The following UNC13C variants were observed in gnomAD, a reference collection of about 807,000 sequenced individuals.
UNC13C encodes the protein unc-13 homolog C.
In UNC13C, 174 loss-of-function variants were observed where a neutral mutation model predicts 245.4. That is an observed-to-expected ratio of 0.71 (90% CI 0.63 to 0.80). UNC13C has a LOEUF of 0.80. Ranked by LOEUF, UNC13C falls within the 30% of genes least tolerant of loss-of-function variation. The pLI, the probability that UNC13C is intolerant of heterozygous loss-of-function variation, is 0.00. For missense variants in UNC13C, 2,829 were observed against 2,602.9 expected (o/e 1.09, Z -1.89); for synonymous variants, 992 against 895.1 (o/e 1.11, Z -1.93).
rs771602663 is a variant in UNC13C, at chr15:54,393,199, G to A, written c.4847+18G>A. 3 of 1,504,584 alleles carry A rather than the reference G, an allele frequency of 2.0e-6. No homozygotes were observed. Among genetic ancestry groups the A allele is most frequent in the Admixed American group, 2.3e-5 (1 of 43,628 alleles). The allele number at this position is 1,504,584 out of a possible 1,614,324, so 93.2% of individuals were successfully genotyped here. A position where few individuals can be genotyped will look rare whatever the true frequency, so the allele number is the denominator to read the frequency against. On this transcript the variant is annotated intron_variant, in intron 18 of 32. Transcript: ENST00000260323. The stretch of plus-strand genomic sequence containing the variant: ...CTGAATCAGTAAGTACAATGTTTTG[G>A]AAATGAATGGATTTTATTCCACTAA...
intron 16 of UNC13C, among the ~76,000 whole-genome samples, chr15:54,334,855 G>T (rs2038531993): frequency 6.6e-6 from 1 of 152,102 alleles, no homozygotes; most frequent in African/African-American, 2.4e-5. Context: ...AGTGAGGGTA[G>T]GGTGTGCCAG....
At chr15:53,993,153 G>C (rs1288429866) in intron 1 of UNC13C, among the ~76,000 whole-genome samples, 1 of 152,052 alleles carries the variant, frequency 6.6e-6, no homozygotes, top group African/African-American at 2.4e-5. Context: ...CAGATTCCCA[G>C]GGAAGTAGGC....
intron 25 of UNC13C, among the ~76,000 whole-genome samples, chr15:54,526,789 A>G (rs1030960050): frequency 3.3e-5 from 5 of 151,444 alleles, no homozygotes; most frequent in Admixed American, 3.3e-4. Context: ...GGTAGGGACT[A>G]TCTCTGGCCA....
intron 2 of UNC13C, among the ~76,000 whole-genome samples, chr15:54,046,493 T>C (rs930735365): frequency 6.6e-6 from 1 of 152,174 alleles, no homozygotes; most frequent in Admixed American, 6.5e-5. Context: ...ATCAATAATC[T>C]TTTCATATGT....
At chr15:54,509,957 C>T (rs867685298) in intron 23 of UNC13C, among the ~76,000 whole-genome samples, 1 of 152,078 alleles carries the variant, frequency 6.6e-6, no homozygotes, top group South Asian at 2.1e-4. Context: ...AATAGCAATC[C>T]ATGTCAAGTG....
Position 54,500,828 on chromosome 15 carries a change from C to A in UNC13C, c.5158-7C>A, listed in dbSNP as rs754861299. 3 of 1,611,940 alleles carry A rather than the reference C, an allele frequency of 1.9e-6. No individual in the cohort carries two copies. The highest frequency in any genetic ancestry group is 2.2e-5 in the East Asian group (1 of 44,856). On this transcript the variant is annotated splice_polypyrimidine_tract_variant and splice_region_variant and intron_variant, in intron 21 of 32. Coordinates refer to ENST00000260323, the MANE Select transcript of UNC13C (RefSeq NM_001080534.3). ...GTTTGGGATGGTTTCACCTCCTCTC[C>A]CCACAGTTCCAGCAGACATCTGAGC...
chr15:54,445,476 T>G (rs1056217312), intron 19 of UNC13C, among the ~76,000 whole-genome samples: 1 of 152,196 alleles, frequency 6.6e-6, no homozygotes, highest in Admixed American at 6.5e-5. Flanking sequence ...GTTTCCTGAC[T>G]TTTTAATGAT....
chr15:53,870,229 T>G, the UNC13C span, among the ~76,000 whole-genome samples: 11 of 152,250 alleles, frequency 7.2e-5, no homozygotes, highest in Non-Finnish European at 7.3e-5. Context: ...GTTTCAAGTT[T>G]ACCAAGTCTC....
At chr15:54,074,546 C>T (rs1360323051) in intron 2 of UNC13C, among the ~76,000 whole-genome samples, 1 of 152,092 alleles carries the variant, frequency 6.6e-6, no homozygotes, top group Non-Finnish European at 1.5e-5. Flanking sequence ...GTCCTCCTGT[C>T]TCATTTCATT....
intron 17 of UNC13C, among the ~76,000 whole-genome samples, chr15:54,385,625 A>T (rs1388398649): frequency 6.6e-6 from 1 of 152,102 alleles, no homozygotes; most frequent in Non-Finnish European, 1.5e-5. Context: ...ACAAGAAATA[A>T]GTTTTAATGT....
chr15:54,012,690 C>T lies in UNC13C; in HGVS notation c.-214C>T, dbSNP rs1895433858. 6.6e-6 allele frequency among the ~76,000 whole-genome samples: 1 copy of T among 152,116 alleles called. No individual in the cohort carries two copies. Among genetic ancestry groups the T allele is most frequent in the Admixed American group, 6.6e-5 (1 of 15,266 alleles). On this transcript the variant is annotated 5_prime_UTR_variant, in exon 2 of 33. Coordinates refer to ENST00000260323, the MANE Select transcript of UNC13C (RefSeq NM_001080534.3). Reference sequence around the variant, plus strand: ...GTGGAAATGAGAGAGATTCATGAAACCCCTCCTCCAGGAAAGAATGTCTTT... The same window carrying T: ...GTGGAAATGAGAGAGATTCATGAAATCCCTCCTCCAGGAAAGAATGTCTTT...
At chr15:54,089,582 G>T (rs1019811193) in intron 2 of UNC13C, among the ~76,000 whole-genome samples, 1 of 151,828 alleles carries the variant, frequency 6.6e-6, no homozygotes, top group Non-Finnish European at 1.5e-5. Flanking sequence ...AGAAAAATAT[G>T]GCCTTCCCAT....
intron 7 of UNC13C, among the ~76,000 whole-genome samples, chr15:54,249,866 C>T (rs1005109191): frequency 2.1e-4 from 32 of 152,082 alleles, no homozygotes; most frequent in African/African-American, 6.0e-4. Flanking sequence ...CAGGAAATAA[C>T]GGCCTGGGTA....
At position 54,500,970 on chromosome 15, in the gene UNC13C, T is replaced by C; in HGVS notation, c.5293T>C (p.Phe1765Leu). The change falls in exon 22 of 33, where the codon TTT becomes CTT. Residue 1765 changes from phenylalanine to leucine, a missense_variant. Physicochemically the swap from Phe to Leu is conservative, Grantham distance 22 (BLOSUM62 0). Transcript: ENST00000260323. Reference sequence around the variant, plus strand: ...AGCATTATCTCACTTAATGAGAAGATTTGCAAAGGTAGGTTAAATAAAATG... The same window carrying C: ...AGCATTATCTCACTTAATGAGAAGACTTGCAAAGGTAGGTTAAATAAAATG... ...PEALSHLMRR[F>L]AKTINKVLLQ... 6.2e-7 allele frequency: 1 copy of C among 1,612,194 alleles called. No homozygotes were observed. Among genetic ancestry groups the C allele is most frequent in the African/African-American group, 1.3e-5 (1 of 74,920 alleles).
In UNC13C at chr15:54,231,274, G is replaced by C. The variant is rs562373114; in HGVS notation, c.3072-3756G>C. Among the ~76,000 whole-genome samples the C allele has an allele frequency of 5.3e-5, 8 of 152,048 alleles. No homozygotes were observed. The South Asian group carries it at 1.7e-3, about 31-fold the overall frequency. On this transcript the variant is annotated intron_variant, in intron 4 of 32. Coordinates refer to ENST00000260323, the MANE Select transcript of UNC13C (RefSeq NM_001080534.3). ...ATTGATTATTAAGAACATTAAGTCT[G>C]AGGTAAAATGATCCTGCAGTGGAAA...
At chr15:54,369,170 A>T (rs1012117338) in intron 17 of UNC13C, among the ~76,000 whole-genome samples, 17 of 150,712 alleles carry the variant, frequency 1.1e-4, no homozygotes, top group African/African-American at 3.9e-4. Flanking sequence ...GAAATAGACC[A>T]TCTGGGATCG....
chr15:54,463,808 G>A (rs1022561672), intron 19 of UNC13C, among the ~76,000 whole-genome samples: 1 of 152,112 alleles, frequency 6.6e-6, no homozygotes, highest in Non-Finnish European at 1.5e-5. Context: ...TCGTCAAAAG[G>A]CAGAATTCTT....
intron 4 of UNC13C, among the ~76,000 whole-genome samples, chr15:54,197,611 A>G (rs545324137): frequency 7.9e-5 from 12 of 152,314 alleles, no homozygotes; most frequent in African/African-American, 2.9e-4. Flanking sequence ...ACTTTTTCAC[A>G]TTTAAAACTT....
chr15:54,337,285 G>A (rs1467963550), intron 16 of UNC13C, among the ~76,000 whole-genome samples: 1 of 152,092 alleles, frequency 6.6e-6, no homozygotes, highest in African/African-American at 2.4e-5. Flanking sequence ...AACCAGCGTT[G>A]TTTCTTTATA....
Sources: gnomAD v4.1 joint callset for allele counts (sites outside exome capture counted in the v4.1 genomes callset) on GRCh38, gnomAD v4.1.1 for gene constraint, MANE v1.5 for transcripts, NCBI Gene and HGNC (gene_info 2026-07-23, HGNC 2026-07-21) for gene names.